The following ZNF699 variants were observed in gnomAD, a reference collection of about 807,000 sequenced individuals.
The protein encoded by ZNF699 is hangover homolog.
A neutral mutation model predicts 22.5 loss-of-function variants in ZNF699; 18 were observed. The ratio of observed to expected loss-of-function variants is 0.80; its 90% CI spans 0.55 to 1.19. The LOEUF is 1.19. Among genes scored for constraint, ZNF699 ranks in the 50% most tolerant of loss-of-function variants. The probability of loss-of-function intolerance (pLI) is 0.00; values close to 1 mark genes in which losing one functional copy is unlikely to be tolerated. For synonymous variants in ZNF699, 241 were observed against 262.3 expected (o/e 0.92, Z 0.78); for missense variants, 670 against 763.4 (o/e 0.88, Z 1.44).
intron 2 of ZNF699, among the ~76,000 whole-genome samples, chr19:9,304,740 A>G (rs1447249730): frequency 6.6e-6 from 1 of 152,140 alleles, no homozygotes; most frequent in East Asian, 1.9e-4. Flanking sequence ...CCTGGCCAAC[A>G]TGGTGAAACC....
Position 9,297,913 on chromosome 19 carries a change from T to TA in ZNF699, c.252dup (p.Ile85TyrfsTer14). The stretch of plus-strand genomic sequence containing the variant: ...TGCTCTCCCATAAAGATGCCCTGGA[T>TA]AAGTTCTCTCTTCACTGTCTGCAGG... On this transcript the variant is annotated frameshift_variant, in exon 4 of 6. Coordinates refer to ENST00000591998, the MANE Select transcript of ZNF699 (RefSeq NM_198535.3). LOFTEE classifies it high-confidence loss of function. This position sits in a 1 kb window ranked among gnomAD's most constrained non-coding sequence, Gnocchi z 4.3. The TA allele has an allele frequency of 6.2e-7, 1 of 1,613,862 alleles. No individual in the cohort carries two copies. The highest frequency in any genetic ancestry group is 8.5e-7 in the Non-Finnish European group (1 of 1,179,966).
intron 1 of ZNF699, among the ~76,000 whole-genome samples, chr19:9,306,889 G>C (rs556495193): frequency 5.9e-5 from 9 of 152,320 alleles, no homozygotes; most frequent in African/African-American, 1.9e-4. Flanking sequence ...ACTACAGAGA[G>C]TGGACAAATG....
chr19:9,295,769 G>T lies in ZNF699; in HGVS notation c.1635C>A (p.Ala545=), dbSNP rs768754094. The stretch of plus-strand genomic sequence containing the variant: ...TGTGCGTTCTCATGTGGATCCTAAG[G>T]GCTGAGGGATAAATAAAGGCTTTCC... ...KCGKAFIYPS[A]LRIHMRTHTG... is the part of the protein sequence containing the mutation. The change falls in exon 6 of 6, where the codon GCC becomes GCA. Residue 545 remains alanine, a synonymous_variant. Coordinates refer to ENST00000591998, the MANE Select transcript of ZNF699 (RefSeq NM_198535.3). The T allele has an allele frequency of 3.1e-6, 5 of 1,613,646 alleles. No individual in the cohort carries two copies. In the African/African-American group the frequency reaches 6.7e-5, roughly 22 times the overall value.
Position 9,302,478 on chromosome 19 carries a change from A to G in ZNF699, c.75T>C (p.Ala25=), listed in dbSNP as rs866943837. 2 of 1,613,712 alleles carry G rather than the reference A, an allele frequency of 1.2e-6. No individual in the cohort carries two copies. The highest frequency in any genetic ancestry group is 1.7e-4 in the Middle Eastern group (1 of 6,058). Residue 25 remains alanine (A), a synonymous_variant, in exon 3 of 6, where the codon GCT becomes GCC. Coordinates refer to ENST00000591998, the MANE Select transcript of ZNF699 (RefSeq NM_198535.3). The part of the protein sequence containing the change: ...IQDSVVFEDV[A]VDFTQEEWAL... ...CCCATTCCTCCTGGGTAAAGTCCAC[A>G]GCCACATCCTCAAAGACTACTGAGT...
At chr19:9,309,114 C>T (rs984802277) in intron 1 of ZNF699, among the ~76,000 whole-genome samples, 3 of 150,454 alleles carry the variant, frequency 2.0e-5, no homozygotes, top group Non-Finnish European at 3.0e-5. Context: ...GCTGGGAACA[C>T]AGGAGAGCAC....
chr19:9,298,009 A>AT lies in ZNF699; in HGVS notation c.176-20dup. 1 of 1,500,478 alleles carries AT rather than the reference A, an allele frequency of 6.7e-7. No homozygotes were observed. Among genetic ancestry groups the AT allele is most frequent in the Non-Finnish European group, 9.2e-7 (1 of 1,081,396 alleles). The allele number at this position is 1,500,478 out of a possible 1,614,324, so 92.9% of individuals were successfully genotyped here. A position where few individuals can be genotyped will look rare whatever the true frequency, so the allele number is the denominator to read the frequency against. On this transcript the variant is annotated intron_variant, in intron 3 of 5. Coordinates refer to ENST00000591998, the MANE Select transcript of ZNF699 (RefSeq NM_198535.3). The stretch of plus-strand genomic sequence containing the variant: ...GGATACCCTGCACAAGCAGAAAGGC[A>AT]TATCACGAGGGAAAATAATGAAGAA...
At position 9,297,973 on chromosome 19, in the gene ZNF699, G is replaced by A. The variant is rs979978338; in HGVS notation, c.193C>T (p.Pro65Ser). Residue 65 changes from proline to serine, a missense_variant, in exon 4 of 6, where the codon CCC becomes TCC. Physicochemically the swap from Pro to Ser is moderately conservative, Grantham distance 74 (BLOSUM62 -1). Coordinates refer to ENST00000591998, the MANE Select transcript of ZNF699 (RefSeq NM_198535.3). The surrounding 1 kb of genome is among the most constrained non-coding windows in gnomAD (Gnocchi z 4.3). The stretch of plus-strand genomic sequence containing the variant: ...TGTTCCCACTGGGAGATCAGATGGG[G>A]TGTGTGTAGCGGATACCCTGCACAA... The part of the protein sequence containing the change: ...LASLGYPLHT[P>S]HLISQWEQEE... 1 of 1,612,632 alleles carries A rather than the reference G, an allele frequency of 6.2e-7. No individual in the cohort carries two copies. Among genetic ancestry groups the A allele is most frequent in the Admixed American group, 1.7e-5 (1 of 59,908 alleles).
At chr19:9,305,695 G>A (rs1298104521) in intron 1 of ZNF699, among the ~76,000 whole-genome samples, 1 of 151,220 alleles carries the variant, frequency 6.6e-6, no homozygotes, top group Non-Finnish European at 1.5e-5. Flanking sequence ...ACCTGAGAAA[G>A]AGCATCAGCC....
rs1313144914 is a variant in ZNF699 at position 9,302,266 on chromosome 19, TCTTA to T, written c.175+108_175+111del. On this transcript the variant is annotated intron_variant, in intron 3 of 5. Coordinates refer to ENST00000591998, the MANE Select transcript of ZNF699 (RefSeq NM_198535.3). ...TCCTTGGGGTCAGTGACCATATCTG[TCTTA>T]CTTACCAATGTCTTCCCATTCCTCA... 195 of 1,275,926 alleles carry T rather than the reference TCTTA, an allele frequency of 1.5e-4. 1 individual carries two copies. In the South Asian group the frequency reaches 2.3e-3, roughly 15 times the overall value. The allele number at this position is 1,275,926 out of a possible 1,614,324, so 79.0% of individuals were successfully genotyped here. A position where few individuals can be genotyped will look rare whatever the true frequency, so the allele number is the denominator to read the frequency against.
In ZNF699 at chr19:9,292,201, T is replaced by C. The variant is rs10422910; in HGVS notation, c.*3274A>G. ...ACTCCTTCCTCCTCCCCTCTGCATA[T>C]GCCCCAAAACTGCCAGGACTCTATG... On this transcript the variant is annotated 3_prime_UTR_variant, in exon 6 of 6. Transcript: ENST00000591998. Among the ~76,000 whole-genome samples, 86,651 of 151,874 alleles carry C rather than the reference T, an allele frequency of 0.57. 24,864 individuals are homozygous for C. Among genetic ancestry groups the C allele is most frequent in the Middle Eastern group, 0.63 (185 of 294 alleles).
In ZNF699 at chr19:9,292,542, A is replaced by G. The variant is rs190880344; in HGVS notation, c.*2933T>C. Among the ~76,000 whole-genome samples, 37 of 152,308 alleles carry G rather than the reference A, an allele frequency of 2.4e-4. No individual in the cohort carries two copies. Among genetic ancestry groups the G allele is most frequent in the Admixed American group, 1.1e-3 (17 of 15,298 alleles). On this transcript the variant is annotated 3_prime_UTR_variant, in exon 6 of 6. Coordinates refer to ENST00000591998, the MANE Select transcript of ZNF699 (RefSeq NM_198535.3). Reference sequence around the variant, plus strand: ...AGACAGGGAGACAGAATTCAACTAGATAACATTTTTTTAGCCCCAGGATTT... The same window carrying G: ...AGACAGGGAGACAGAATTCAACTAGGTAACATTTTTTTAGCCCCAGGATTT...
At chr19:9,298,739 C>T (rs1264877333) in intron 3 of ZNF699, among the ~76,000 whole-genome samples, 1 of 152,138 alleles carries the variant, frequency 6.6e-6, no homozygotes, top group Non-Finnish European at 1.5e-5. Flanking sequence ...ATACTGTCAG[C>T]AACCAGCAAT....
chr19:9,297,584 A>AAAGGAATGATTCCTGGTTCTCCAG lies in ZNF699; in HGVS notation c.287-106_287-105insCTGGAGAACCAGGAATCATTCCTT. 1 of 811,154 alleles carries AAAGGAATGATTCCTGGTTCTCCAG rather than the reference A, an allele frequency of 1.2e-6. No homozygotes were observed. Among genetic ancestry groups the AAAGGAATGATTCCTGGTTCTCCAG allele is most frequent in the Non-Finnish European group, 1.9e-6 (1 of 522,158 alleles). The allele number at this position is 811,154 out of a possible 1,614,324, so 50.2% of individuals were successfully genotyped here. A position where few individuals can be genotyped will look rare whatever the true frequency, so the allele number is the denominator to read the frequency against. On this transcript the variant is annotated intron_variant, in intron 4 of 5. Coordinates refer to ENST00000591998, the MANE Select transcript of ZNF699 (RefSeq NM_198535.3). The surrounding 1 kb of genome is among the most constrained non-coding windows in gnomAD (Gnocchi z 4.3). Reference sequence around the variant, plus strand: ...GGCACAAGGGTCAAAATGGTAAGCAATTAACTAAGAAATAATTTTATGAAG... The same window carrying AAAGGAATGATTCCTGGTTCTCCAG: ...GGCACAAGGGTCAAAATGGTAAGCAAAAGGAATGATTCCTGGTTCTCCAGTTAACTAAGAAATAATTTTATGAAG...
Position 9,292,021 on chromosome 19 carries a change from T to A in ZNF699, c.*3454A>T, listed in dbSNP as rs1249843630. 1.3e-5 allele frequency among the ~76,000 whole-genome samples: 2 copies of A among 152,098 alleles called. No homozygotes were observed. Among genetic ancestry groups the A allele is most frequent in the Admixed American group, 6.6e-5 (1 of 15,252 alleles). The stretch of plus-strand genomic sequence containing the variant: ...CTGGCCAAGCAGCAATCTTTAGCAA[T>A]CTAAACACATGTTAATGGATGACAC... On this transcript the variant is annotated 3_prime_UTR_variant, in exon 6 of 6. Transcript: ENST00000591998.
At chr19:9,304,921 C>CAA (rs34867149) in intron 2 of ZNF699, 151 bp downstream of exon 2, 38,813 of 301,076 alleles carry the variant, frequency 0.13, 135 homozygotes, top group South Asian at 0.18. Flanking sequence ...GACTCTGTCT[C>CAA]AAAAAAAAAA....
At position 9,292,811 on chromosome 19, in the gene ZNF699, G is replaced by A. The variant is rs1599248223; in HGVS notation, c.*2664C>T. ...ACAATAAAGGACAAGTAACCAGAAG[G>A]AAACCTTTCAATTTTTTTTTTTTTT... On this transcript the variant is annotated 3_prime_UTR_variant, in exon 6 of 6. Coordinates refer to ENST00000591998, the MANE Select transcript of ZNF699 (RefSeq NM_198535.3). Among the ~76,000 whole-genome samples, 1 of 145,352 alleles carries A rather than the reference G, an allele frequency of 6.9e-6. No individual in the cohort carries two copies. Among genetic ancestry groups the A allele is most frequent in the East Asian group, 2.0e-4 (1 of 4,994 alleles).
intron 1 of ZNF699, among the ~76,000 whole-genome samples, chr19:9,305,334 A>G (rs1462051070): frequency 1.3e-5 from 2 of 152,044 alleles, no homozygotes; most frequent in South Asian, 2.1e-4. Context: ...CTCTTGTGGG[A>G]AAGTGGAACA....
At chr19:9,299,391 C>G (rs1284585612) in intron 3 of ZNF699, among the ~76,000 whole-genome samples, 2 of 152,186 alleles carry the variant, frequency 1.3e-5, no homozygotes, top group African/African-American at 4.8e-5. Flanking sequence ...GCCTCGGCCT[C>G]CCAAAGTGCT....
intron 2 of ZNF699, among the ~76,000 whole-genome samples, chr19:9,302,759 T>G (rs2066312523): frequency 6.6e-6 from 1 of 152,234 alleles, no homozygotes; most frequent in African/African-American, 2.4e-5. Flanking sequence ...GGGTCAAGCC[T>G]ATAATCCCAG....
Sources: gnomAD v4.1 joint callset for allele counts (sites outside exome capture counted in the v4.1 genomes callset) on GRCh38, gnomAD v4.1.1 for gene constraint, Gnocchi (gnomAD v3.1) non-coding constraint, MANE v1.5 for transcripts, NCBI Gene and HGNC (gene_info 2026-07-23, HGNC 2026-07-21) for gene names.